Variants in AKAP17A observed in about 807,000 individuals in gnomAD.
AKAP17A encodes A-kinase anchor protein 17A.
AKAP17A carries 15 observed loss-of-function variants against 52.2 expected under a neutral mutation model. The ratio of observed to expected loss-of-function variants is 0.29; its 90% CI spans 0.19 to 0.44. The LOEUF (loss-of-function observed/expected upper bound fraction) is 0.44. Ranked by LOEUF, AKAP17A falls within the 20% of genes least tolerant of loss-of-function variation. The pLI is 1.00. For synonymous variants in AKAP17A, 514 were observed against 424.7 expected (o/e 1.21, Z -2.58); for missense variants, 1,060 against 1,007.0 (o/e 1.05, Z -0.71).
rs1486598352 is a variant in AKAP17A at position 1,596,240 on chromosome X, A to AC, written c.911+708_911+709insC. ...ATGGCCAGATTTAAAAAAAAAAAAAAAAACAAAAAACCAATGATAGGACAA... is the reference window on the plus strand; with the variant it reads ...ATGGCCAGATTTAAAAAAAAAAAAAACAAACAAAAAACCAATGATAGGACAA... On this transcript the variant is annotated intron_variant, in intron 3 of 4. Coordinates refer to ENST00000313871, the MANE Select transcript of AKAP17A (RefSeq NM_005088.3). Among the ~76,000 whole-genome samples, 3 of 149,724 alleles carry AC rather than the reference A, an allele frequency of 2.0e-5. No individual in the cohort carries two copies. The East Asian group carries it at 5.8e-4, about 29-fold the overall frequency.
At position 1,601,475 on chromosome X, in the gene AKAP17A, A is replaced by G; in HGVS notation, c.1969A>G (p.Arg657Gly). ...GTCCCACAGCAAAGACAGGCACCGG[A>G]GGGAGCGGAGCCGGGAGCGGAGGGG... ...RRSHSKDRHR[R>G]ERSRERRGSA... Residue 657 changes from arginine to glycine, a missense_variant, in exon 5 of 5, where the codon AGG becomes GGG. Coordinates refer to ENST00000313871, the MANE Select transcript of AKAP17A (RefSeq NM_005088.3). 1 of 1,569,348 alleles carries G rather than the reference A, an allele frequency of 6.4e-7. No individual in the cohort carries two copies. Among genetic ancestry groups the G allele is most frequent in the Non-Finnish European group, 8.6e-7 (1 of 1,165,786 alleles).
chrX:1,601,007 G>A lies in AKAP17A; in HGVS notation c.1501G>A (p.Ala501Thr). Residue 501 changes from alanine to threonine, a missense_variant, in exon 5 of 5, where the codon GCC becomes ACC. By Grantham distance (58) the Ala-to-Thr change is moderately conservative. Transcript: ENST00000313871. Reference protein sequence around the residue: ...PPAGAPKESPAHPEADGAPKS... With the variant: ...PPAGAPKESPTHPEADGAPKS... ...GGCCGGTGCCCCCAAGGAGAGCCCG[G>A]CCCACCCAGAGGCCGACGGCGCTCC... The A allele has an allele frequency of 6.2e-7, 1 of 1,607,712 alleles. No homozygotes were observed. The highest frequency in any genetic ancestry group is 8.5e-7 in the Non-Finnish European group (1 of 1,177,964).
chrX:1,592,562 C>G (rs1244480227), intron 1 of AKAP17A, among the ~76,000 whole-genome samples: 1 of 152,080 alleles, frequency 6.6e-6, no homozygotes, highest in Non-Finnish European at 1.5e-5. Context: ...CTGGTCGCTT[C>G]TCCACCCTCC....
intron 4 of AKAP17A, chrX:1,600,306 C>A: frequency 2.2e-6 from 2 of 896,454 alleles, no homozygotes; most frequent in Non-Finnish European, 3.2e-6. Context: ...CTGTTGCTGG[C>A]GGCCGCTTGT....
rs1418622360 is a variant in AKAP17A at position 1,602,306 on chromosome X, G to C, written c.*712G>C. 1 of 152,132 alleles carries C rather than the reference G, an allele frequency of 6.6e-6. No individual in the cohort carries two copies. Among genetic ancestry groups the C allele is most frequent in the East Asian group, 1.9e-4 (1 of 5,202 alleles). The allele number at this position is 152,132 out of a possible 1,614,324, so 9.4% of individuals were successfully genotyped here. A position where few individuals can be genotyped will look rare whatever the true frequency, so the allele number is the denominator to read the frequency against. ...TTTGGTTTCTAGTAAAGGTTAGTGTGTGTGGTTTTTTTAAGAAGCTGTTTT... is the reference window on the plus strand; with the variant it reads ...TTTGGTTTCTAGTAAAGGTTAGTGTCTGTGGTTTTTTTAAGAAGCTGTTTT... On this transcript the variant is annotated 3_prime_UTR_variant, in exon 5 of 5. Transcript: ENST00000313871.
In AKAP17A at chrX:1,599,432, G is replaced by C. The variant is rs1461298754; in HGVS notation, c.1152G>C (p.Lys384Asn). 3 of 1,559,702 alleles carry C rather than the reference G, an allele frequency of 1.9e-6. No homozygotes were observed. Among genetic ancestry groups the C allele is most frequent in the Non-Finnish European group, 2.6e-6 (3 of 1,152,928 alleles). The change falls in exon 4 of 5, where the codon AAG becomes AAC. Residue 384 changes from lysine to asparagine, a missense_variant and splice_region_variant. Physicochemically the swap from Lys to Asn is moderately conservative, Grantham distance 94 (BLOSUM62 0). Transcript: ENST00000313871. Reference sequence around the variant, plus strand: ...TCGCCGAGCTGCTCAGCAGAGCCAAGGTACCCGGGGGCTCCCTCTGCAGCC... The same window carrying C: ...TCGCCGAGCTGCTCAGCAGAGCCAACGTACCCGGGGGCTCCCTCTGCAGCC... Reference protein sequence around the residue: ...RLIAELLSRAKAVKLREQEQK... With the variant: ...RLIAELLSRANAVKLREQEQK...
chrX:1,592,083 G>A (rs1223131711), intron 1 of AKAP17A, among the ~76,000 whole-genome samples: 1 of 151,936 alleles, frequency 6.6e-6, no homozygotes, highest in African/African-American at 2.4e-5. Flanking sequence ...GGGAGCTCGG[G>A]GGATCGGATG....
At position 1,595,414 on chromosome X, in the gene AKAP17A, G is replaced by A; in HGVS notation, c.793G>A (p.Asp265Asn). 1 of 1,614,042 alleles carries A rather than the reference G, an allele frequency of 6.2e-7. No homozygotes were observed. The highest frequency in any genetic ancestry group is 8.5e-7 in the Non-Finnish European group (1 of 1,179,892). Reference protein sequence around the residue: ...VSFDSTKHLSDASIKKRQLER... With the variant: ...VSFDSTKHLSNASIKKRQLER... The stretch of plus-strand genomic sequence containing the variant: ...TTTTGATTCGACCAAACACCTGAGT[G>A]ATGCCTCAATTAAGAAGCGGCAGCT... Residue 265 changes from aspartate (D) to asparagine (N), a missense_variant, in exon 3 of 5, where the codon GAT (aspartate) becomes AAT (asparagine). Around this residue, in one of 2 missense-constraint regions of AKAP17A, gnomAD observed 793 missense variants for 629.9 expected, o/e 1.26. Coordinates refer to ENST00000313871, the MANE Select transcript of AKAP17A (RefSeq NM_005088.3).
intron 4 of AKAP17A, chrX:1,600,251 C>A: frequency 7.9e-7 from 1 of 1,263,330 alleles, no homozygotes; most frequent in Non-Finnish European, 1.0e-6. Flanking sequence ...AGGCTCGCCC[C>A]GCAGCTACGG....
rs1933433290 is a variant in AKAP17A at position 1,602,299 on chromosome X, T to C, written c.*705T>C. On this transcript the variant is annotated 3_prime_UTR_variant, in exon 5 of 5. Transcript: ENST00000313871. ...TAAAAGCTTTGGTTTCTAGTAAAGG[T>C]TAGTGTGTGTGGTTTTTTTAAGAAG... is the stretch of plus-strand genomic sequence containing the variant. The C allele has an allele frequency of 6.6e-6, 1 of 152,096 alleles. No individual in the cohort carries two copies. The allele number at this position is 152,096 out of a possible 1,614,324, so 9.4% of individuals were successfully genotyped here.
intron 3 of AKAP17A, among the ~76,000 whole-genome samples, chrX:1,598,756 G>C (rs763482205): frequency 1.3e-5 from 2 of 152,196 alleles, no homozygotes; most frequent in Non-Finnish European, 2.9e-5. Context: ...CCTCACAGGA[G>C]TCCTGCACAA....
intron 1 of AKAP17A, 74 bp downstream of exon 1, chrX:1,591,843 G>C (rs1345264709): frequency 6.6e-6 from 1 of 151,036 alleles, no homozygotes; most frequent in Non-Finnish European, 1.5e-5. Flanking sequence ...CGGGCCCGGG[G>C]GGCCGGGGCT....
At chrX:1,598,898 AC>A (rs1933180763) in intron 3 of AKAP17A, among the ~76,000 whole-genome samples, 1 of 151,882 alleles carries the variant, frequency 6.6e-6, no homozygotes, top group Admixed American at 6.6e-5. Context: ...CTTTCCCCTG[AC>A]TGGGGGCGTG....
Position 1,599,362 on chromosome X carries a change from G to T in AKAP17A, c.1082G>T (p.Arg361Leu). The change falls in exon 4 of 5, where the codon CGC becomes CTC. Residue 361 changes from arginine (R) to leucine (L), a missense_variant. Arg to Leu is a moderately radical substitution (Grantham distance 102). Around this residue, in one of 2 missense-constraint regions of AKAP17A, gnomAD observed 793 missense variants for 629.9 expected, o/e 1.26. Coordinates refer to ENST00000313871, the MANE Select transcript of AKAP17A (RefSeq NM_005088.3). ...QLQEKIKLEERKLLLAQRNLQ... is the reference protein window; with the variant it reads ...QLQEKIKLEELKLLLAQRNLQ... ...CAGGAGAAGATCAAGCTGGAGGAGC[G>T]CAAGCTGCTGCTGGCCCAGAGGAAC... is the stretch of plus-strand genomic sequence containing the variant. 1 of 1,588,280 alleles carries T rather than the reference G, an allele frequency of 6.3e-7. No individual in the cohort carries two copies. The highest frequency in any genetic ancestry group is 2.3e-5 in the East Asian group (1 of 43,758).
chrX:1,595,657 T>C (rs1932940250), intron 3 of AKAP17A, 125 bp downstream of exon 3: 1 of 1,412,058 alleles, frequency 7.1e-7, no homozygotes, highest in Non-Finnish European at 9.8e-7. Context: ...TGTGAGCTTG[T>C]GTGTGTACCT....
chrX:1,593,565 G>A lies in AKAP17A; in HGVS notation c.103G>A (p.Ala35Thr), dbSNP rs1315200319. The change falls in exon 2 of 5, where the codon GCA becomes ACA. Residue 35 changes from alanine to threonine, a missense_variant. By Grantham distance (58) the Ala-to-Thr change is moderately conservative. Coordinates refer to ENST00000313871, the MANE Select transcript of AKAP17A (RefSeq NM_005088.3). ...KPITKMTISVALPQLKQPGKS... is the reference protein window; with the variant it reads ...KPITKMTISVTLPQLKQPGKS... ...CATCACCAAGATGACCATCAGCGTG[G>A]CACTCCCGCAGCTGAAGCAGCCGGG... 5.0e-6 allele frequency: 8 copies of A among 1,613,634 alleles called. No individual in the cohort carries two copies. The highest frequency in any genetic ancestry group is 2.7e-5 in the African/African-American group (2 of 74,926).
In AKAP17A at chrX:1,593,514, C is replaced by G. The variant is rs1157239166; in HGVS notation, c.52C>G (p.Pro18Ala). The G allele has an allele frequency of 6.2e-6, 10 of 1,613,804 alleles. No individual in the cohort carries two copies. Among genetic ancestry groups the G allele is most frequent in the South Asian group, 3.3e-5 (3 of 91,084 alleles). ...CACGTCTGAGGCCGTGGAGCTCTGCCCTGCTTACGGCTTGTACCTGAAGCC... is the reference window on the plus strand; with the variant it reads ...CACGTCTGAGGCCGTGGAGCTCTGCGCTGCTTACGGCTTGTACCTGAAGCC... Reference protein sequence around the residue: ...HDTSEAVELCPAYGLYLKPIT... With the variant: ...HDTSEAVELCAAYGLYLKPIT... The change falls in exon 2 of 5, where the codon CCT becomes GCT. Residue 18 changes from proline (P) to alanine (A), a missense_variant. Physicochemically the swap from Pro to Ala is conservative, Grantham distance 27 (BLOSUM62 -1). Around this residue, in one of 2 missense-constraint regions of AKAP17A, gnomAD observed 267 missense variants for 377.1 expected, o/e 0.71. Coordinates refer to ENST00000313871, the MANE Select transcript of AKAP17A (RefSeq NM_005088.3).
Position 1,600,750 on chromosome X carries a change from G to T in AKAP17A, c.1244G>T (p.Arg415Leu). The change falls in exon 5 of 5, where the codon CGG becomes CTG. Residue 415 changes from arginine (R) to leucine (L), a missense_variant. This residue lies in a region of AKAP17A where 793 missense variants were observed against 629.9 expected (regional missense o/e 1.26). Transcript: ENST00000313871. Reference sequence around the variant, plus strand: ...CGGCGGCTGCAGGAGGCCGAGCTGCGGCGCGTGGAGGAGGAGAAGGAGCGC... The same window carrying T: ...CGGCGGCTGCAGGAGGCCGAGCTGCTGCGCGTGGAGGAGGAGAAGGAGCGC... ...ERRRLQEAEL[R>L]RVEEEKERAL... is the part of the protein sequence containing the mutation. The T allele has an allele frequency of 6.4e-7, 1 of 1,554,636 alleles. No homozygotes were observed. The highest frequency in any genetic ancestry group is 1.4e-5 in the African/African-American group (1 of 73,786).
At position 1,599,223 on chromosome X, in the gene AKAP17A, G is replaced by C. The variant is rs372639893; in HGVS notation, c.943G>C (p.Glu315Gln). Residue 315 changes from glutamate to glutamine, a missense_variant, in exon 4 of 5, where the codon GAG becomes CAG. Transcript: ENST00000313871. Reference sequence around the variant, plus strand: ...AAAGGAGCTGGAAGAGCTGGAGCGAGAGAGGAAAAGAGAAGAGAAGCTTCG... The same window carrying C: ...AAAGGAGCTGGAAGAGCTGGAGCGACAGAGGAAAAGAGAAGAGAAGCTTCG... ...KQKELEELER[E>Q]RKREEKLRKR... 1.4e-4 allele frequency: 227 copies of C among 1,612,348 alleles called. 1 individual carries two copies. Among genetic ancestry groups the C allele is most frequent in the Non-Finnish European group, 1.8e-4 (217 of 1,179,854 alleles).
Sources: allele counts gnomAD v4.1 joint callset (sites outside exome capture counted in the v4.1 genomes callset), GRCh38; gene constraint gnomAD v4.1.1; regional missense constraint gnomAD v4.1.1; transcripts MANE v1.5; gene names NCBI Gene and HGNC (gene_info 2026-07-23, HGNC 2026-07-21).